The following DDX24 variants were observed in gnomAD, a reference collection of about 807,000 sequenced individuals.
DDX24 encodes the protein DEAD-box helicase 24, also known as ATP-dependent RNA helicase DDX24.
In DDX24, 24 loss-of-function variants were observed where a neutral mutation model predicts 68.9. The ratio of observed to expected loss-of-function variants is 0.35; its 90% confidence interval spans 0.25 to 0.49. DDX24 has a LOEUF of 0.49. Ranked by LOEUF, DDX24 falls within the 20% of genes least tolerant of loss-of-function variation. The pLI, the probability that DDX24 is intolerant of heterozygous loss-of-function variation, is 0.99. For synonymous variants in DDX24, 395 were observed against 385.2 expected (o/e 1.03, Z -0.30); for missense variants, 989 against 1,039.0 (o/e 0.95, Z 0.66).
At chr14:94,068,799 A>G (rs767000839) in intron 2 of DDX24, among the ~76,000 whole-genome samples, 10 of 152,214 alleles carry the variant, frequency 6.6e-5, no homozygotes, top group Non-Finnish European at 1.2e-4. Flanking sequence ...TAAATTTAAA[A>G]ATTCTTCAAA....
intron 6 of DDX24, chr14:94,055,790 AC>A (rs946123914): frequency 2.0e-5 from 3 of 151,824 alleles, no homozygotes. Flanking sequence ...CCCTCAACTT[AC>A]CCCTCCAGCC....
chr14:94,060,108 G>C lies in DDX24; in HGVS notation c.1903C>G (p.Arg635Gly). 6.2e-7 allele frequency: 1 copy of C among 1,611,932 alleles called. No homozygotes were observed. Among genetic ancestry groups the C allele is most frequent in the African/African-American group, 1.3e-5 (1 of 74,974 alleles). The change falls in exon 5 of 9, where the codon CGT becomes GGT. Residue 635 changes from arginine to glycine, a missense_variant. By Grantham distance (125) the Arg-to-Gly change is moderately radical. This residue lies in a region of DDX24 where 691 missense variants were observed against 760.0 expected (regional missense o/e 0.91). Transcript: ENST00000621632. ...QRLRNLEQFA[R>G]LEDCVLLATD... is the part of the protein sequence containing the mutation. ...ACAGTCCTAACTTACTCTTCCAGAC[G>C]GGCAAACTGCTCCAGGTTTCTGAGC...
At chr14:94,070,387 C>T (rs1885805380) in intron 2 of DDX24, among the ~76,000 whole-genome samples, 1 of 152,154 alleles carries the variant, frequency 6.6e-6, no homozygotes, top group African/African-American at 2.4e-5. Flanking sequence ...GGAAACACAT[C>T]CCACGCTCAT....
intron 2 of DDX24, among the ~76,000 whole-genome samples, chr14:94,072,777 T>C (rs2141434156): frequency 6.6e-6 from 1 of 152,210 alleles, no homozygotes. Flanking sequence ...TGCAGTGAGC[T>C]GAGATAGCAC....
In DDX24 at chr14:94,062,505, T is replaced by C; in HGVS notation, c.835A>G (p.Thr279Ala). ...NTEAPPGETR[T>A]EAGAETRSPG... ...GATCTAGTCTCAGCTCCGGCCTCAGTTCTGGTCTCTCCAGGTGGTGCTTCG... is the reference window on the plus strand; with the variant it reads ...GATCTAGTCTCAGCTCCGGCCTCAGCTCTGGTCTCTCCAGGTGGTGCTTCG... The change falls in exon 3 of 9, where the codon ACT becomes GCT. Residue 279 changes from threonine (T) to alanine (A), a missense_variant. Coordinates refer to ENST00000621632, the MANE Select transcript of DDX24 (RefSeq NM_020414.4). The C allele has an allele frequency of 2.5e-6, 4 of 1,614,148 alleles. No individual in the cohort carries two copies. Among genetic ancestry groups the C allele is most frequent in the Non-Finnish European group, 3.4e-6 (4 of 1,180,006 alleles).
chr14:94,051,043 T>A lies in DDX24; in HGVS notation c.*148A>T, dbSNP rs949263395. On this transcript the variant is annotated 3_prime_UTR_variant, in exon 9 of 9. Coordinates refer to ENST00000621632, the MANE Select transcript of DDX24 (RefSeq NM_020414.4). The stretch of plus-strand genomic sequence containing the variant: ...TACTCCAAAACAATGCAAATCTGCA[T>A]GAGGTCTCTCCCGCTATGGGTGTGA... 44 of 872,958 alleles carry A rather than the reference T, an allele frequency of 5.0e-5. No individual in the cohort carries two copies. The African/African-American group carries it at 6.4e-4, about 13-fold the overall frequency. 54.1% of individuals were successfully genotyped at this position (872,958 alleles called of 1,614,324 possible). A position where few individuals can be genotyped will look rare whatever the true frequency, so the allele number is the denominator to read the frequency against.
chr14:94,050,238 G>A lies in DDX24; in HGVS notation c.*953C>T, dbSNP rs1219949793. The A allele has an allele frequency of 6.6e-6, 1 of 152,266 alleles. No individual in the cohort carries two copies. Among genetic ancestry groups the A allele is most frequent in the Non-Finnish European group, 1.5e-5 (1 of 68,090 alleles). The allele number at this position is 152,266 out of a possible 1,614,324, so 9.4% of individuals were successfully genotyped here. On this transcript the variant is annotated 3_prime_UTR_variant, in exon 9 of 9. Transcript: ENST00000621632. ...CACATATTTATACCAGGCTGACCAA[G>A]CCTTGAGTTCCTCTTCTCCCAAGGA...
chr14:94,075,708 G>A (rs1399948573), intron 2 of DDX24, among the ~76,000 whole-genome samples: 1 of 152,164 alleles, frequency 6.6e-6, no homozygotes, highest in Non-Finnish European at 1.5e-5. Flanking sequence ...ACACTGTTAA[G>A]AGAACGAAAA....
chr14:94,060,278 T>C lies in DDX24; in HGVS notation c.1733A>G (p.Tyr578Cys). Residue 578 changes from tyrosine to cysteine, a missense_variant, in exon 5 of 9, where the codon TAC becomes TGC. Transcript: ENST00000621632. ...ATACTGCATCAGGAAGTAGTACAAG[T>C]AGAAGTCTTTCTCATCAGTCTCACA... ...IHCETDEKDF[Y>C]LYYFLMQYPG... 8 of 1,614,220 alleles carry C rather than the reference T, an allele frequency of 5.0e-6. No homozygotes were observed. Among genetic ancestry groups the C allele is most frequent in the African/African-American group, 1.3e-5 (1 of 75,060 alleles).
chr14:94,053,542 T>C (rs1281760715), intron 7 of DDX24, among the ~76,000 whole-genome samples: 2 of 151,774 alleles, frequency 1.3e-5, no homozygotes, highest in South Asian at 2.1e-4. Flanking sequence ...GAGCCGGGCA[T>C]GGTGGCTCAC....
At chr14:94,073,437 T>G (rs544983105) in intron 2 of DDX24, among the ~76,000 whole-genome samples, 1 of 152,218 alleles carries the variant, frequency 6.6e-6, no homozygotes, top group Non-Finnish European at 1.5e-5. Context: ...CAAGACCCAT[T>G]TATATGCTGC....
At chr14:94,069,950 A>C (rs1431287929) in intron 2 of DDX24, among the ~76,000 whole-genome samples, 1 of 152,212 alleles carries the variant, frequency 6.6e-6, no homozygotes, top group East Asian at 1.9e-4. Flanking sequence ...AACTGGAACA[A>C]GACAAGGATG....
rs1886012998 is a variant in DDX24 at position 94,079,448 on chromosome 14, T to C, written c.295A>G (p.Ile99Val). 1.2e-6 allele frequency: 2 copies of C among 1,614,038 alleles called. No homozygotes were observed. The highest frequency in any genetic ancestry group is 1.7e-6 in the Non-Finnish European group (2 of 1,180,024). Residue 99 changes from isoleucine to valine, a missense_variant, in exon 2 of 9, where the codon ATC becomes GTC. Transcript: ENST00000621632. ...EGKSSSPKKK[I>V]KLKKSKNVAT... ...ACATTTTTACTTTTCTTCAACTTGA[T>C]CTTTTTCTTTGGTGAGCTAGACTTT...
At position 94,050,193 on chromosome 14, in the gene DDX24, G is replaced by C. The variant is rs919232662; in HGVS notation, c.*998C>G. ...CCAGACAAAGCTGGGGCAGCATCAG[G>C]AAGTCCCTAGTTCCCTGAGCACATA... On this transcript the variant is annotated 3_prime_UTR_variant, in exon 9 of 9. Coordinates refer to ENST00000621632, the MANE Select transcript of DDX24 (RefSeq NM_020414.4). 11 of 152,224 alleles carry C rather than the reference G, an allele frequency of 7.2e-5. No individual in the cohort carries two copies. The highest frequency in any genetic ancestry group is 2.7e-4 in the African/African-American group (11 of 41,436). The allele number at this position is 152,224 out of a possible 1,614,324, so 9.4% of individuals were successfully genotyped here.
In DDX24 at chr14:94,060,926, G is replaced by A. The variant is rs1449138375; in HGVS notation, c.1384C>T (p.Leu462Phe). Residue 462 changes from leucine (L) to phenylalanine (F), a missense_variant, in exon 4 of 9, where the codon CTT becomes TTT. This residue lies in a region of DDX24 where 691 missense variants were observed against 760.0 expected (regional missense o/e 0.91). Coordinates refer to ENST00000621632, the MANE Select transcript of DDX24 (RefSeq NM_020414.4). ...IKEKHYHLRN[L>F]RQLRCLVVDE... ...GCCATCTATTACCTGAGCTGCCGAA[G>A]GTTCCTCAAATGATAATGCTTTTCT... 1.2e-6 allele frequency: 2 copies of A among 1,614,202 alleles called. No homozygotes were observed. Among genetic ancestry groups the A allele is most frequent in the East Asian group, 2.2e-5 (1 of 44,886 alleles).
intron 6 of DDX24, chr14:94,056,903 T>A (rs1567057840): frequency 6.6e-6 from 1 of 151,994 alleles, no homozygotes; most frequent in African/African-American, 2.4e-5. Context: ...AGTGAGAGAA[T>A]GGGAAAAAGC....
intron 2 of DDX24, among the ~76,000 whole-genome samples, chr14:94,067,977 A>G (rs1001597859): frequency 6.6e-6 from 1 of 152,234 alleles, no homozygotes; most frequent in African/African-American, 2.4e-5. Flanking sequence ...CAGGCAACAA[A>G]GAGCATGAGG....
At position 94,060,164 on chromosome 14, in the gene DDX24, G is replaced by A. The variant is rs761045984; in HGVS notation, c.1847C>T (p.Thr616Ile). Residue 616 changes from threonine (T) to isoleucine (I), a missense_variant, in exon 5 of 9, where the codon ACC becomes ATC. Thr to Ile is a moderately conservative substitution (Grantham distance 89, BLOSUM62 -1). Coordinates refer to ENST00000621632, the MANE Select transcript of DDX24 (RefSeq NM_020414.4). ...LLKVLDIMPLTLHACMHQKQR... is the reference protein window; with the variant it reads ...LLKVLDIMPLILHACMHQKQR... ...CTTCTGGTGCATACAGGCATGCAGGGTCAAGGGCATGATATCAAGGACTTT... is the reference window on the plus strand; with the variant it reads ...CTTCTGGTGCATACAGGCATGCAGGATCAAGGGCATGATATCAAGGACTTT... 5 of 1,614,088 alleles carry A rather than the reference G, an allele frequency of 3.1e-6. No individual in the cohort carries two copies. The Admixed American group carries it at 5.0e-5, about 16-fold the overall frequency.
At position 94,062,294 on chromosome 14, in the gene DDX24, G is replaced by C. The variant is rs762243901; in HGVS notation, c.1046C>G (p.Pro349Arg). 1 of 1,614,178 alleles carries C rather than the reference G, an allele frequency of 6.2e-7. No homozygotes were observed. The highest frequency in any genetic ancestry group is 1.1e-5 in the South Asian group (1 of 91,084). The change falls in exon 3 of 9, where the codon CCT (proline) becomes CGT (arginine). Residue 349 changes from proline (P) to arginine (R), a missense_variant. By Grantham distance (103) the Pro-to-Arg change is moderately radical. This residue lies in a region of DDX24 where 691 missense variants were observed against 760.0 expected (regional missense o/e 0.91). Transcript: ENST00000621632. ...CTCATTCTCATTCTGTTTGGGAACAGGTTTCTCCCTGATCAGGGAAGAAGG... is the reference window on the plus strand; with the variant it reads ...CTCATTCTCATTCTGTTTGGGAACACGTTTCTCCCTGATCAGGGAAGAAGG... ...EGPSSLIREK[P>R]VPKQNENEEE...
Sources: gnomAD v4.1 joint callset for allele counts (sites outside exome capture counted in the v4.1 genomes callset) on GRCh38, gnomAD v4.1.1 for gene constraint, gnomAD v4.1.1 regional missense constraint, MANE v1.5 for transcripts, NCBI Gene and HGNC (gene_info 2026-07-23, HGNC 2026-07-21) for gene names.